Variants in BLM observed in about 807,000 individuals in gnomAD.
The protein encoded by BLM is recQ-like DNA helicase BLM.
A neutral mutation model predicts 135.3 loss-of-function variants in BLM; 95 were observed. That is an observed-to-expected ratio of 0.70 (90% CI 0.59 to 0.83). The LOEUF is 0.83. BLM is among the 40% of genes least tolerant of loss of function. The probability of loss-of-function intolerance (pLI) is 0.00; values close to 1 mark genes in which losing one functional copy is unlikely to be tolerated. For missense variants in BLM, 1,518 were observed against 1,663.9 expected, an observed-to-expected ratio of 0.91 and a Z score of 1.53; for synonymous variants, 520 against 589.2, an observed-to-expected ratio of 0.88 and a Z score of 1.70.
At chr15:90,803,470 G>A (rs756189246) in intron 17 of BLM, 51 bp from the exon 18 acceptor site, 1 of 1,536,400 alleles carries the variant, frequency 6.5e-7, no homozygotes. Context: ...CTATTTGAGG[G>A]TGATGATATA....
intron 4 of BLM, 91 bp from the exon 5 acceptor site, chr15:90,754,720 C>G (rs2151151916): frequency 1.5e-6 from 2 of 1,333,208 alleles, no homozygotes; most frequent in East Asian, 2.4e-5. Flanking sequence ...ATTGTCTGAT[C>G]AGTGGTAGAA....
intron 17 of BLM, among the ~76,000 whole-genome samples, chr15:90,801,585 A>G (rs1897166712): frequency 6.6e-6 from 1 of 152,166 alleles, no homozygotes; most frequent in South Asian, 2.1e-4. Context: ...ATAAAACCTC[A>G]TCTTTCATAA....
intron 8 of BLM, among the ~76,000 whole-genome samples, chr15:90,764,311 G>T (rs973109030): frequency 4.7e-5 from 7 of 149,064 alleles, no homozygotes; most frequent in African/African-American, 1.7e-4. Flanking sequence ...ATAATATATA[G>T]TGTGTGTGTA....
At position 90,751,876 on chromosome 15, in the gene BLM, G is replaced by T. The variant is rs1196128608; in HGVS notation, c.889G>T (p.Asp297Tyr). Reference sequence around the variant, plus strand: ...TATTGAATTTGATGATGATGATTATGATACGGATTTTGTTCCACCTTCTCC... The same window carrying T: ...TATTGAATTTGATGATGATGATTATTATACGGATTTTGTTCCACCTTCTCC... ...PCIEFDDDDY[D>Y]TDFVPPSPEE... The change falls in exon 4 of 22, where the codon GAT becomes TAT. Residue 297 changes from aspartate to tyrosine, a missense_variant. This residue lies in a region of BLM where 724 missense variants were observed against 756.9 expected (regional missense o/e 0.96). Coordinates refer to ENST00000355112, the MANE Select transcript of BLM (RefSeq NM_000057.4). 1 of 1,612,924 alleles carries T rather than the reference G, an allele frequency of 6.2e-7. No individual in the cohort carries two copies. The highest frequency in any genetic ancestry group is 8.5e-7 in the Non-Finnish European group (1 of 1,179,014).
At chr15:90,767,187 C>G (rs1176346592) in intron 10 of BLM, among the ~76,000 whole-genome samples, 164 bp downstream of exon 10, 1 of 152,188 alleles carries the variant, frequency 6.6e-6, no homozygotes, top group East Asian at 1.9e-4. Flanking sequence ...TTTGTATTCT[C>G]TCTCTGCATA....
intron 5 of BLM, among the ~76,000 whole-genome samples, chr15:90,756,764 A>C (rs979349259): frequency 1.3e-5 from 2 of 152,206 alleles, no homozygotes; most frequent in Non-Finnish European, 2.9e-5. Context: ...AGACTTGACT[A>C]TGTGACTCCA....
intron 1 of BLM, among the ~76,000 whole-genome samples, chr15:90,732,031 T>G (rs1895082852): frequency 6.6e-6 from 1 of 152,126 alleles, no homozygotes; most frequent in Non-Finnish European, 1.5e-5. Context: ...CCCTTCTATT[T>G]TCATCAGGCT....
rs771739639 is a variant in BLM, at chr15:90,791,263, G to A, written c.3019+419G>A. On this transcript the variant is annotated intron_variant, in intron 15 of 21. Coordinates refer to ENST00000355112, the MANE Select transcript of BLM (RefSeq NM_000057.4). ...ATTAAGAAATAAAACACAATCAATCGAGCTGAACCCCTCCCCACCACCCCA... is the reference window on the plus strand; with the variant it reads ...ATTAAGAAATAAAACACAATCAATCAAGCTGAACCCCTCCCCACCACCCCA... 2.4e-4 allele frequency among the ~76,000 whole-genome samples: 37 copies of A among 152,066 alleles called. 1 individual carries two copies. The highest frequency in any genetic ancestry group is 3.4e-4 in the Non-Finnish European group (23 of 68,012).
Position 90,749,824 on chromosome 15 carries a change from TCAA to T in BLM, c.557_559del (p.Ser186_Lys187delinsTer), listed in dbSNP as rs367543035. The T allele has an allele frequency of 5.0e-6, 8 of 1,587,688 alleles. No individual in the cohort carries two copies. The East Asian group carries it at 1.8e-4, about 36-fold the overall frequency. ...TGTAAGAGTAAGCACTGCTCAGAAA[TCAA>T]AAAAGGGTAAGAGAAACTTTTTTAA... On this transcript the variant is annotated stop_gained and inframe_deletion, in exon 3 of 22. Transcript: ENST00000355112. LOFTEE classifies it high-confidence loss of function.
chr15:90,740,012 G>A (rs772679456), intron 1 of BLM, among the ~76,000 whole-genome samples: 3 of 152,060 alleles, frequency 2.0e-5, no homozygotes, highest in Non-Finnish European at 2.9e-5. Flanking sequence ...CGATCCCCCC[G>A]CCTCAGCCTT....
At chr15:90,726,204 A>C (rs954282484) in intron 1 of BLM, among the ~76,000 whole-genome samples, 1 of 152,220 alleles carries the variant, frequency 6.6e-6, no homozygotes, top group Non-Finnish European at 1.5e-5. Context: ...TGTTAACTGT[A>C]GTCATCCTGT....
intron 5 of BLM, 76 bp downstream of exon 5, chr15:90,755,014 TTTGA>T: frequency 6.4e-7 from 1 of 1,554,944 alleles, no homozygotes; most frequent in Non-Finnish European, 8.8e-7. Flanking sequence ...AAGATTGTGT[TTTGA>T]ACCTGTGGCT....
intron 15 of BLM, among the ~76,000 whole-genome samples, chr15:90,792,967 C>G (rs1288607243): frequency 6.7e-6 from 1 of 148,466 alleles, no homozygotes; most frequent in Non-Finnish European, 1.5e-5. Context: ...CATGGCCAGG[C>G]ATGGTGGCTC....
At chr15:90,730,170 T>C (rs2151132146) in intron 1 of BLM, among the ~76,000 whole-genome samples, 1 of 152,314 alleles carries the variant, frequency 6.6e-6, no homozygotes, top group African/African-American at 2.4e-5. Flanking sequence ...TTTAATAATT[T>C]AATCTGAAGA....
At chr15:90,810,283 G>A (rs934493868) in intron 20 of BLM, among the ~76,000 whole-genome samples, 14 of 151,816 alleles carry the variant, frequency 9.2e-5, no homozygotes, top group African/African-American at 2.7e-4. Context: ...TTGAACTTAC[G>A]ACCTCAAGTG....
intron 7 of BLM, 31 bp from the exon 8 acceptor site, chr15:90,762,935 T>C (rs368806022): frequency 1.4e-5 from 23 of 1,592,932 alleles, no homozygotes; most frequent in Non-Finnish European, 2.0e-5. Context: ...ATTCATGTAC[T>C]GATTTTTCTT....
intron 19 of BLM, among the ~76,000 whole-genome samples, chr15:90,805,361 C>T (rs942570060): frequency 2.0e-5 from 3 of 151,972 alleles, no homozygotes; most frequent in Admixed American, 1.3e-4. Context: ...ATCCCAGCTA[C>T]TCGGGAGGTT....
chr15:90,727,892 GAA>G (rs34904871), intron 1 of BLM, among the ~76,000 whole-genome samples: 8 of 144,572 alleles, frequency 5.5e-5, no homozygotes, highest in Non-Finnish European at 9.1e-5. Context: ...AGTTCCTCCA[GAA>G]AAAAAAAAAG....
chr15:90,797,813 A>G (rs144908606), intron 16 of BLM, among the ~76,000 whole-genome samples: 303 of 152,356 alleles, frequency 2.0e-3, no homozygotes, highest in African/African-American at 6.9e-3. Context: ...AAGACCCCAG[A>G]GGGGTTAGAA....
Sources: allele counts gnomAD v4.1 joint callset (sites outside exome capture counted in the v4.1 genomes callset), GRCh38; gene constraint gnomAD v4.1.1; regional missense constraint gnomAD v4.1.1; transcripts MANE v1.5; gene names NCBI Gene and HGNC (gene_info 2026-07-23, HGNC 2026-07-21).